Variants in ELOB observed in about 807,000 individuals in gnomAD.
ELOB encodes the protein elongin B, also known as elongin-B.
In ELOB, 3 loss-of-function variants were observed where a neutral mutation model predicts 12.9. That is an observed-to-expected ratio of 0.23 (90% confidence interval 0.11 to 0.60). ELOB has a LOEUF of 0.60. ELOB is among the 20% of genes least tolerant of loss of function. ELOB has a pLI of 0.89. For missense variants in ELOB, 126 were observed against 159.2 expected, an observed-to-expected ratio of 0.79 and a Z score of 1.12; for synonymous variants, 84 against 67.4, an observed-to-expected ratio of 1.25 and a Z score of -1.21.
In ELOB at chr16:2,777,214, G is replaced by T. The variant is rs2068807347; in HGVS notation, c.3+23C>A. 4.3e-6 allele frequency: 4 copies of T among 925,594 alleles called. No individual in the cohort carries two copies. The African/African-American group carries it at 5.6e-5, about 13-fold the overall frequency. 57.3% of individuals were successfully genotyped at this position (925,594 alleles called of 1,614,324 possible). A position where few individuals can be genotyped will look rare whatever the true frequency, so the allele number is the denominator to read the frequency against. Reference sequence around the variant, plus strand: ...CCGCCGCCCCCGGCCCGGCCCGGCCGCCCCTCCCCCACGCCCGCTCACCAT... The same window carrying T: ...CCGCCGCCCCCGGCCCGGCCCGGCCTCCCCTCCCCCACGCCCGCTCACCAT... On this transcript the variant is annotated intron_variant, in intron 1 of 3. Coordinates refer to ENST00000409906, the MANE Select transcript of ELOB (RefSeq NM_007108.4).
At position 2,771,715 on chromosome 16, in the gene ELOB, T is replaced by C. The variant is rs1253476638; in HGVS notation, c.*275A>G. ...TCCCAGTCCTTCCCTTTCCTCCCCC[T>C]GGCGTGGTTGGTGTGGCTGGCTAGC... On this transcript the variant is annotated 3_prime_UTR_variant, in exon 4 of 4. Coordinates refer to ENST00000409906, the MANE Select transcript of ELOB (RefSeq NM_007108.4). 6.4e-7 allele frequency: 1 copy of C among 1,557,758 alleles called. No individual in the cohort carries two copies. Among genetic ancestry groups the C allele is most frequent in the Non-Finnish European group, 8.7e-7 (1 of 1,154,566 alleles).
Position 2,777,092 on chromosome 16 carries a change from G to A in ELOB, c.39C>T (p.Thr13=). ...TGGACTCCTTGGCGTCCGTGAAGAT[G>A]GTGGTCTTGTGGCGCCGGATCATGA... is the stretch of plus-strand genomic sequence containing the variant. The part of the protein sequence containing the change: ...VFLMIRRHKT[T]IFTDAKESST... Residue 13 remains threonine (T), a synonymous_variant, in exon 2 of 4, where the codon ACC becomes ACT. Coordinates refer to ENST00000409906, the MANE Select transcript of ELOB (RefSeq NM_007108.4). 1 of 1,598,030 alleles carries A rather than the reference G, an allele frequency of 6.3e-7. No individual in the cohort carries two copies.
intron 3 of ELOB, among the ~76,000 whole-genome samples, chr16:2,774,461 T>G (rs1596302874): frequency 1.3e-5 from 2 of 152,192 alleles, no homozygotes; most frequent in East Asian, 1.9e-4. Context: ...AAGGGAACAC[T>G]GGGGCCAGGA....
chr16:2,773,253 G>A (rs2068778855), intron 3 of ELOB, among the ~76,000 whole-genome samples: 1 of 152,102 alleles, frequency 6.6e-6, no homozygotes, highest in South Asian at 2.1e-4. Context: ...CACAAATGGG[G>A]AGGTGGGGTG....
At position 2,771,496 on chromosome 16, in the gene ELOB, C is replaced by A; in HGVS notation, c.*494G>T. The A allele has an allele frequency of 6.2e-7, 1 of 1,614,194 alleles. No individual in the cohort carries two copies. Among genetic ancestry groups the A allele is most frequent in the African/African-American group, 1.3e-5 (1 of 75,032 alleles). On this transcript the variant is annotated 3_prime_UTR_variant, in exon 4 of 4. Transcript: ENST00000409906. The stretch of plus-strand genomic sequence containing the variant: ...ATTACAGCCCCCAGCGTGGGTGGAC[C>A]TGTGTGGGTCCGTCTTGGGGTTCCC...
Position 2,771,685 on chromosome 16 carries a change from G to A in ELOB, c.*305C>T. 1.3e-6 allele frequency: 2 copies of A among 1,593,380 alleles called. No individual in the cohort carries two copies. The highest frequency in any genetic ancestry group is 1.7e-5 in the Admixed American group (1 of 58,464). ...CCCTGAGGCTGGCTCTGGTCTTTGTGTCTCTCCCAGTCCTTCCCTTTCCTC... is the reference window on the plus strand; with the variant it reads ...CCCTGAGGCTGGCTCTGGTCTTTGTATCTCTCCCAGTCCTTCCCTTTCCTC... On this transcript the variant is annotated 3_prime_UTR_variant, in exon 4 of 4. Coordinates refer to ENST00000409906, the MANE Select transcript of ELOB (RefSeq NM_007108.4).
At chr16:2,776,390 C>T (rs1461346412) in intron 2 of ELOB, among the ~76,000 whole-genome samples, 1 of 152,210 alleles carries the variant, frequency 6.6e-6, no homozygotes, top group East Asian at 1.9e-4. Flanking sequence ...GAGGCTGATG[C>T]ATCTGACTCC....
rs754714190 is a variant in ELOB, at chr16:2,771,972, T to C, written c.*18A>G. On this transcript the variant is annotated 3_prime_UTR_variant, in exon 4 of 4. Transcript: ENST00000409906. Reference sequence around the variant, plus strand: ...CCCAAATCTCTTTTATTGGGGGAAATGGGCCTCTTGGGGGTCCTCACTGCA... The same window carrying C: ...CCCAAATCTCTTTTATTGGGGGAAACGGGCCTCTTGGGGGTCCTCACTGCA... 2.6e-6 allele frequency: 4 copies of C among 1,543,802 alleles called. No individual in the cohort carries two copies. The highest frequency in any genetic ancestry group is 2.3e-5 in the South Asian group (2 of 88,458).
In ELOB at chr16:2,772,043, C is replaced by T; in HGVS notation, c.304G>A (p.Val102Met). ...CTTCCCGAGTCCTGGGGCTTCATCA[C>T]ATCGGGCAGCTCTGGCGGGCTGGAA... ...PFSSPPELPDVMKPQDSGSSA... is the reference protein window; with the variant it reads ...PFSSPPELPDMMKPQDSGSSA... Residue 102 changes from valine (V) to methionine (M), a missense_variant, in exon 4 of 4, where the codon GTG (valine) becomes ATG (methionine). Coordinates refer to ENST00000409906, the MANE Select transcript of ELOB (RefSeq NM_007108.4). 6.2e-7 allele frequency: 1 copy of T among 1,613,376 alleles called. No individual in the cohort carries two copies. Among genetic ancestry groups the T allele is most frequent in the Non-Finnish European group, 8.5e-7 (1 of 1,179,634 alleles).
chr16:2,773,386 T>C (rs1418403805), intron 3 of ELOB, among the ~76,000 whole-genome samples: 1 of 152,132 alleles, frequency 6.6e-6, no homozygotes, highest in Non-Finnish European at 1.5e-5. Context: ...AACTAATCCA[T>C]CTTCCAAGCC....
At chr16:2,775,024 C>T (rs1217177289) in intron 3 of ELOB, among the ~76,000 whole-genome samples, 1 of 152,112 alleles carries the variant, frequency 6.6e-6, no homozygotes, top group African/African-American at 2.4e-5. Flanking sequence ...AGCAAGGGCC[C>T]GGCAGTCAGC....
intron 3 of ELOB, 176 bp from the exon 4 acceptor site, chr16:2,772,278 G>A (rs1293407006): frequency 2.9e-5 from 21 of 713,166 alleles, no homozygotes; most frequent in Middle Eastern, 2.7e-4. Context: ...GTGGCCCCAC[G>A]GTAATGTCTC....
At position 2,775,437 on chromosome 16, in the gene ELOB, G is replaced by C; in HGVS notation, c.244+14C>G. ...TTGGCTACCACCCAGCCCAGTGGGT[G>C]GTGGGCCTCTCACCTGCCCGGAAGG... is the stretch of plus-strand genomic sequence containing the variant. On this transcript the variant is annotated intron_variant, in intron 3 of 3. Coordinates refer to ENST00000409906, the MANE Select transcript of ELOB (RefSeq NM_007108.4). The C allele has an allele frequency of 4.4e-6, 7 of 1,582,868 alleles. No homozygotes were observed. Among genetic ancestry groups the C allele is most frequent in the Non-Finnish European group, 5.1e-6 (6 of 1,169,298 alleles).
intron 3 of ELOB, chr16:2,772,688 GAC>G (rs780724307): frequency 2.6e-5 from 4 of 150,988 alleles, no homozygotes; most frequent in African/African-American, 4.9e-5. Flanking sequence ...CAACCTGGGC[GAC>G]ACAGACTCCA....
chr16:2,777,198 C>A, intron 1 of ELOB, 39 bp downstream of exon 1: 1 of 998,166 alleles, frequency 1.0e-6, no homozygotes, highest in Non-Finnish European at 1.2e-6. Context: ...CCCGCCGCCC[C>A]CGGCCCGGCC....
intron 2 of ELOB, among the ~76,000 whole-genome samples, chr16:2,776,617 G>A: frequency 6.6e-6 from 1 of 152,232 alleles, no homozygotes; most frequent in Non-Finnish European, 1.5e-5. Context: ...ATTCCGATGG[G>A]CCTGCGAAGA....
rs1430436135 is a variant in ELOB, at chr16:2,775,464, C to T, written c.231G>A (p.Leu77=). 6 of 1,602,752 alleles carry T rather than the reference C, an allele frequency of 3.7e-6. No individual in the cohort carries two copies. The highest frequency in any genetic ancestry group is 5.1e-6 in the Non-Finnish European group (6 of 1,179,278). Residue 77 remains leucine (L), a synonymous_variant, in exon 3 of 4, where the codon CTG becomes CTA. Coordinates refer to ENST00000409906, the MANE Select transcript of ELOB (RefSeq NM_007108.4). The part of the protein sequence containing the change: ...ARPQAPATVG[L]AFRADDTFEA... ...TGGGCCTCTCACCTGCCCGGAAGGC[C>T]AGCCCCACTGTGGCTGGGGCCTGTG...
At position 2,775,475 on chromosome 16, in the gene ELOB, T is replaced by C; in HGVS notation, c.220A>G (p.Thr74Ala). 1 of 1,604,780 alleles carries C rather than the reference T, an allele frequency of 6.2e-7. No homozygotes were observed. The highest frequency in any genetic ancestry group is 8.5e-7 in the Non-Finnish European group (1 of 1,179,520). ...SQTARPQAPA[T>A]VGLAFRADDT... ...CCTGCCCGGAAGGCCAGCCCCACTG[T>C]GGCTGGGGCCTGTGGCCGTGCTGTT... The change falls in exon 3 of 4, where the codon ACA becomes GCA. Residue 74 changes from threonine (T) to alanine (A), a missense_variant. Coordinates refer to ENST00000409906, the MANE Select transcript of ELOB (RefSeq NM_007108.4).
chr16:2,772,725 G>C (rs906849845), intron 3 of ELOB, among the ~76,000 whole-genome samples: 1 of 151,300 alleles, frequency 6.6e-6, no homozygotes, highest in Non-Finnish European at 1.5e-5. Context: ...AATCAAACTA[G>C]ACTATCTAGA....
Sources: gnomAD v4.1 joint callset for allele counts (sites outside exome capture counted in the v4.1 genomes callset) on GRCh38, gnomAD v4.1.1 for gene constraint, MANE v1.5 for transcripts, NCBI Gene and HGNC (gene_info 2026-07-23, HGNC 2026-07-21) for gene names.